SMOC2: variants seen among roughly 807,000 people sequenced by gnomAD.
SMOC2 encodes SPARC related modular calcium binding 2, also known as SPARC-related modular calcium-binding protein 2.
SMOC2 carries 39 observed loss-of-function variants against 61.4 expected under a neutral mutation model. The ratio of observed to expected loss-of-function variants is 0.64; its 90% CI spans 0.49 to 0.83. The LOEUF is 0.83. SMOC2 is among the 40% of genes least tolerant of loss of function. SMOC2 has a pLI of 0.00. For synonymous variants in SMOC2, 247 were observed against 239.9 expected (o/e 1.03, Z -0.27); for missense variants, 556 against 592.9 (o/e 0.94, Z 0.65).
chr6:168,626,708 C>CG (rs1786419426), intron 9 of SMOC2, among the ~76,000 whole-genome samples: 2 of 152,224 alleles, frequency 1.3e-5, no homozygotes, highest in African/African-American at 4.8e-5. Flanking sequence ...CGTTCTGTTA[C>CG]CTAGGCCTGT....
At chr6:168,518,653 G>A (rs1263442525) in intron 2 of SMOC2, among the ~76,000 whole-genome samples, 1 of 150,972 alleles carries the variant, frequency 6.6e-6, no homozygotes, top group Non-Finnish European at 1.5e-5. Flanking sequence ...GCTTGTGTGG[G>A]TGTGTATGTA....
chr6:168,640,144 A>G (rs1394417581), intron 9 of SMOC2, among the ~76,000 whole-genome samples: 1 of 151,522 alleles, frequency 6.6e-6, no homozygotes, highest in Non-Finnish European at 1.5e-5. Flanking sequence ...TGTTCCCTCC[A>G]GGTCCTCGTG....
intron 9 of SMOC2, among the ~76,000 whole-genome samples, chr6:168,610,245 G>A (rs949512845): frequency 3.3e-5 from 5 of 152,286 alleles, no homozygotes; most frequent in East Asian, 1.9e-4. Flanking sequence ...TGAAGACGGC[G>A]TTTCCTTGCC....
intron 7 of SMOC2, among the ~76,000 whole-genome samples, chr6:168,570,056 T>A (rs1404196441): frequency 6.6e-6 from 1 of 151,960 alleles, no homozygotes; most frequent in Non-Finnish European, 1.5e-5. Flanking sequence ...CTAGACGGCA[T>A]TCTCTTTGTG....
intron 12 of SMOC2, among the ~76,000 whole-genome samples, chr6:168,666,066 C>G (rs867581043): frequency 4.1e-4 from 62 of 151,860 alleles, no homozygotes; most frequent in Middle Eastern, 3.4e-3. Flanking sequence ...ATCAACTATG[C>G]CTTTATCAAA....
At chr6:168,560,338 C>G (rs573795447) in intron 7 of SMOC2, among the ~76,000 whole-genome samples, 1 of 152,234 alleles carries the variant, frequency 6.6e-6, no homozygotes, top group Non-Finnish European at 1.5e-5. Context: ...TTGTAAAGCA[C>G]CTTCTTCAGT....
chr6:168,493,515 G>A (rs924987325), intron 1 of SMOC2, among the ~76,000 whole-genome samples: 1 of 152,298 alleles, frequency 6.6e-6, no homozygotes, highest in Non-Finnish European at 1.5e-5. Context: ...TAAGTGACAA[G>A]TTTCCAGAAG....
chr6:168,613,683 C>G (rs1583160598), intron 9 of SMOC2, among the ~76,000 whole-genome samples: 3 of 143,262 alleles, frequency 2.1e-5, no homozygotes, highest in East Asian at 2.2e-4. Context: ...ACAGCCAGCA[C>G]AGGGCCTCTT....
intron 2 of SMOC2, among the ~76,000 whole-genome samples, chr6:168,510,363 T>C (rs1782977825): frequency 6.6e-6 from 1 of 152,250 alleles, no homozygotes; most frequent in Non-Finnish European, 1.5e-5. Flanking sequence ...TCTAAAATTA[T>C]TCTCAATAAG....
chr6:168,560,616 C>G (rs867413911), intron 7 of SMOC2, among the ~76,000 whole-genome samples: 1 of 4,246 alleles, frequency 2.4e-4, no homozygotes, highest in Admixed American at 2.1e-3. Flanking sequence ...ACACGAGGCT[C>G]TCACTGCATT....
chr6:168,607,068 A>G (rs1265504167), intron 8 of SMOC2, among the ~76,000 whole-genome samples: 1 of 151,788 alleles, frequency 6.6e-6, no homozygotes, highest in Non-Finnish European at 1.5e-5. Flanking sequence ...TGACCCAGGA[A>G]TCTCCCATCT....
intron 11 of SMOC2, among the ~76,000 whole-genome samples, chr6:168,655,765 TC>T (rs1201611232): frequency 1.3e-5 from 2 of 152,056 alleles, no homozygotes; most frequent in African/African-American, 4.8e-5. Flanking sequence ...GTGTGCTAAA[TC>T]CCACTGCACA....
intron 7 of SMOC2, among the ~76,000 whole-genome samples, chr6:168,583,574 C>G (rs1449391556): frequency 6.6e-6 from 1 of 152,212 alleles, no homozygotes; most frequent in African/African-American, 2.4e-5. Context: ...TCTCATCTTC[C>G]TTGCACTAAT....
intron 7 of SMOC2, among the ~76,000 whole-genome samples, chr6:168,564,341 C>T: frequency 6.6e-6 from 1 of 152,134 alleles, no homozygotes; most frequent in East Asian, 1.9e-4. Flanking sequence ...TTATACACCA[C>T]TGCACAAGTC....
rs374537426 is a variant in SMOC2, at chr6:168,666,472, A to C, written c.*34A>C. ...TACCCCGAAGGCAGTTCCTAGACAC[A>C]TGGGAAATTTCCCTCACCAAAGAGC... On this transcript the variant is annotated 3_prime_UTR_variant, in exon 13 of 13. Coordinates refer to ENST00000356284, the MANE Select transcript of SMOC2 (RefSeq NM_001166412.2). The C allele has an allele frequency of 6.2e-7, 1 of 1,612,654 alleles. No homozygotes were observed. The highest frequency in any genetic ancestry group is 1.3e-5 in the African/African-American group (1 of 74,908).
At chr6:168,487,969 T>C (rs1452644313) in intron 1 of SMOC2, among the ~76,000 whole-genome samples, 1 of 152,228 alleles carries the variant, frequency 6.6e-6, no homozygotes, top group Non-Finnish European at 1.5e-5. Flanking sequence ...CATAGTTTAT[T>C]AGTAATGGTG....
At chr6:168,512,108 C>A (rs1043965774) in intron 2 of SMOC2, among the ~76,000 whole-genome samples, 3 of 152,094 alleles carry the variant, frequency 2.0e-5, no homozygotes, top group African/African-American at 7.2e-5. Context: ...GACCCCAGGA[C>A]AGAAGCCCAC....
chr6:168,477,462 A>G (rs1253421989), intron 1 of SMOC2, among the ~76,000 whole-genome samples: 1 of 152,252 alleles, frequency 6.6e-6, no homozygotes, highest in African/African-American at 2.4e-5. Flanking sequence ...TCTCCTGGAA[A>G]GTATGACCAA....
At position 168,544,126 on chromosome 6, in the gene SMOC2, C is replaced by G. The variant is rs1484360847; in HGVS notation, c.511+454C>G. Among the ~76,000 whole-genome samples the G allele has an allele frequency of 5.3e-5, 8 of 152,322 alleles. No individual in the cohort carries two copies. The highest frequency in any genetic ancestry group is 1.9e-4 in the East Asian group (1 of 5,172). The stretch of plus-strand genomic sequence containing the variant: ...GAGACTGGTACAAACAAGAGCTGAA[C>G]AGAACCCTTAACCTTAAACATCATG... On this transcript the variant is annotated intron_variant, in intron 5 of 12. Transcript: ENST00000356284. The surrounding 1 kb of genome is among the most constrained non-coding windows in gnomAD (Gnocchi z 4.1).
Sources: allele counts gnomAD v4.1 joint callset (sites outside exome capture counted in the v4.1 genomes callset), GRCh38; gene constraint gnomAD v4.1.1; non-coding constraint Gnocchi (gnomAD v3.1); transcripts MANE v1.5; gene names NCBI Gene and HGNC (gene_info 2026-07-23, HGNC 2026-07-21).